Variants in MARCHF1 observed in about 807,000 individuals in gnomAD.
MARCHF1 encodes membrane associated ring-CH-type finger 1.
In MARCHF1, 40 loss-of-function variants were observed where a neutral mutation model predicts 54.2. The observed-to-expected ratio is 0.74, with a 90% confidence interval of 0.57 to 0.96. MARCHF1 has a LOEUF of 0.96. Ranked by LOEUF, MARCHF1 falls within the 40% of genes least tolerant of loss-of-function variation. The probability of loss-of-function intolerance (pLI) is 0.00; values close to 1 mark genes in which losing one functional copy is unlikely to be tolerated. For missense variants in MARCHF1, 586 were observed against 656.5 expected, an observed-to-expected ratio of 0.89 and a Z score of 1.17; for synonymous variants, 236 against 236.3, an observed-to-expected ratio of 1.00 and a Z score of 0.01.
intron 3 of MARCHF1, among the ~76,000 whole-genome samples, chr4:163,937,577 C>T (rs1267855887): frequency 6.6e-6 from 1 of 151,646 alleles, no homozygotes. Flanking sequence ...ATATAATTTT[C>T]CATTAATCTT....
At chr4:164,350,570 C>A (rs994944098) in intron 1 of MARCHF1, among the ~76,000 whole-genome samples, 1 of 151,804 alleles carries the variant, frequency 6.6e-6, no homozygotes, top group Non-Finnish European at 1.5e-5. Context: ...CTGATTTGAT[C>A]TCTACACGCT....
intron 4 of MARCHF1, among the ~76,000 whole-genome samples, chr4:163,737,156 TTTTCTTTC>T (rs1169271337): frequency 1.7e-4 from 17 of 97,944 alleles, no homozygotes; most frequent in African/African-American, 5.5e-4. Context: ...CTCGCAGCTT[TTTTCTTTC>T]TTTTTTTTTT....
intron 1 of MARCHF1, among the ~76,000 whole-genome samples, chr4:164,148,319 A>G (rs1465522669): frequency 2.0e-5 from 3 of 152,172 alleles, no homozygotes; most frequent in African/African-American, 7.2e-5. Context: ...ATCAAAATGA[A>G]CACAAATGAC....
chr4:163,594,218 A>G (rs1418364099), intron 7 of MARCHF1, among the ~76,000 whole-genome samples: 1 of 152,142 alleles, frequency 6.6e-6, no homozygotes, highest in African/African-American at 2.4e-5. Context: ...GGTAGAATAT[A>G]CTAGGCATAG....
chr4:164,367,986 G>A (rs1730924927), intron 1 of MARCHF1, among the ~76,000 whole-genome samples: 1 of 150,550 alleles, frequency 6.6e-6, no homozygotes, highest in Non-Finnish European at 1.5e-5. Context: ...ACCCCTTGAA[G>A]TACACATCAG....
chr4:164,301,068 ATAAAT>A (rs2111395216), intron 1 of MARCHF1, among the ~76,000 whole-genome samples: 1 of 152,288 alleles, frequency 6.6e-6, no homozygotes, highest in African/African-American at 2.4e-5. Context: ...TAAAGACACT[ATAAAT>A]TAAGATAACA....
intron 2 of MARCHF1, among the ~76,000 whole-genome samples, chr4:164,006,597 A>G (rs1753293174): frequency 1.3e-5 from 2 of 152,160 alleles, no homozygotes; most frequent in South Asian, 2.1e-4. Context: ...AAAAATTGAG[A>G]AAGATGTAAA....
Position 164,146,738 on chromosome 4 carries a change from T to G in MARCHF1, c.-322-35076A>C, listed in dbSNP as rs373472398. ...AAAAACCCTAGAAGAAAACCTAGGC[T>G]TTACCATTCAGGACATAGGCATGGG... On this transcript the variant is annotated intron_variant, in intron 1 of 9. Coordinates refer to ENST00000514618, the MANE Select transcript of MARCHF1 (RefSeq NM_001394959.1). 2.0e-5 allele frequency among the ~76,000 whole-genome samples: 3 copies of G among 152,210 alleles called. No homozygotes were observed. In the South Asian group the frequency reaches 6.2e-4, roughly 32 times the overall value.
intron 5 of MARCHF1, among the ~76,000 whole-genome samples, chr4:163,677,527 C>A (rs867686434): frequency 6.6e-6 from 1 of 152,188 alleles, no homozygotes; most frequent in African/African-American, 2.4e-5. Flanking sequence ...AAACACATTT[C>A]TCTTTAAAAT....
At chr4:164,342,771 A>G (rs534990786) in intron 1 of MARCHF1, among the ~76,000 whole-genome samples, 1 of 152,244 alleles carries the variant, frequency 6.6e-6, no homozygotes, top group East Asian at 1.9e-4. Context: ...ACGCAAACAC[A>G]CACACACAAA....
At chr4:164,194,936 T>C (rs1263036635) in intron 1 of MARCHF1, among the ~76,000 whole-genome samples, 1 of 151,894 alleles carries the variant, frequency 6.6e-6, no homozygotes, top group Non-Finnish European at 1.5e-5. Context: ...ATAGGAGAAA[T>C]AGCTCCTACA....
chr4:163,619,869 C>T (rs911515017), intron 5 of MARCHF1, among the ~76,000 whole-genome samples: 54 of 151,684 alleles, frequency 3.6e-4, no homozygotes, highest in Non-Finnish European at 2.9e-5. Flanking sequence ...TGATGTAAAA[C>T]AAAATGTGAT....
At chr4:163,868,273 C>T (rs1436079047) in intron 3 of MARCHF1, among the ~76,000 whole-genome samples, 1 of 151,206 alleles carries the variant, frequency 6.6e-6, no homozygotes, top group African/African-American at 2.4e-5. Flanking sequence ...AAATTTATGA[C>T]CCAATGATGA....
At chr4:164,275,558 TGATA>T (rs1733858464) in intron 1 of MARCHF1, among the ~76,000 whole-genome samples, 1 of 152,246 alleles carries the variant, frequency 6.6e-6, no homozygotes, top group Non-Finnish European at 1.5e-5. Context: ...GACATAAACT[TGATA>T]AATAACTGAG....
chr4:164,050,522 T>A (rs1458466259), intron 2 of MARCHF1, among the ~76,000 whole-genome samples: 1 of 152,068 alleles, frequency 6.6e-6, no homozygotes, highest in East Asian at 1.9e-4. Flanking sequence ...CACCATGTTA[T>A]CTCATCTCCA....
intron 1 of MARCHF1, among the ~76,000 whole-genome samples, chr4:164,233,501 C>A (rs1217103114): frequency 2.0e-5 from 3 of 152,112 alleles, no homozygotes; most frequent in Admixed American, 6.6e-5. Context: ...CCTCTTACAC[C>A]CCTCAGAGCC....
chr4:164,357,537 T>A (rs1041096341), intron 1 of MARCHF1, among the ~76,000 whole-genome samples: 21 of 152,144 alleles, frequency 1.4e-4, no homozygotes, highest in African/African-American at 4.8e-4. Context: ...TCAGCGCATA[T>A]GAGATGAAGG....
At chr4:164,194,662 C>T (rs569832472) in intron 1 of MARCHF1, among the ~76,000 whole-genome samples, 109 of 151,674 alleles carry the variant, frequency 7.2e-4, no homozygotes, top group Non-Finnish European at 1.4e-3. Flanking sequence ...AGTTCTATGA[C>T]GCATTTAATG....
intron 1 of MARCHF1, among the ~76,000 whole-genome samples, chr4:164,306,551 G>A (rs941285540): frequency 6.6e-6 from 1 of 152,136 alleles, no homozygotes; most frequent in Non-Finnish European, 1.5e-5. Context: ...AGTCACGTGA[G>A]TTCAGCCTAC....
Sources: allele counts gnomAD v4.1 joint callset (sites outside exome capture counted in the v4.1 genomes callset), GRCh38; gene constraint gnomAD v4.1.1; transcripts MANE v1.5; gene names NCBI Gene and HGNC (gene_info 2026-07-23, HGNC 2026-07-21).